Variants in APBB2 observed in about 807,000 individuals in gnomAD.
APBB2 encodes amyloid beta precursor protein binding family B member 2.
Under a neutral mutation model 82.5 loss-of-function variants are expected in APBB2, and 38 were observed. That is an observed-to-expected ratio of 0.46 (90% CI 0.36 to 0.60). The LOEUF (loss-of-function observed/expected upper bound fraction) is 0.60. Among genes scored for constraint, APBB2 ranks in the 20% least tolerant of loss-of-function variants. APBB2 has a pLI of 0.00. For missense variants in APBB2, 772 were observed against 972.3 expected (o/e 0.79, Z 2.74); for synonymous variants, 341 against 368.2 (o/e 0.93, Z 0.85).
intron 12 of APBB2, among the ~76,000 whole-genome samples, chr4:40,833,590 G>A (rs1352516700): frequency 6.6e-6 from 1 of 152,194 alleles, no homozygotes. Flanking sequence ...TGTTACAGGT[G>A]TCACCTGTGT....
chr4:40,945,180 A>G, intron 6 of APBB2, 107 bp from the exon 7 acceptor site: 1 of 774,090 alleles, frequency 1.3e-6, no homozygotes, highest in East Asian at 2.7e-5. Context: ...CCATAGTCCA[A>G]ATGATTAGTT....
chr4:41,164,476 T>C (rs1212727212), intron 1 of APBB2, among the ~76,000 whole-genome samples: 2 of 152,202 alleles, frequency 1.3e-5, no homozygotes, highest in Non-Finnish European at 2.9e-5. Context: ...AGGCGGCTCC[T>C]TTGATTCAGA....
At chr4:40,822,253 T>C in intron 16 of APBB2, 1 of 589,906 alleles carries the variant, frequency 1.7e-6, no homozygotes, top group South Asian at 2.0e-5. Flanking sequence ...TCATTCTTGC[T>C]CTGAACTACA....
intron 17 of APBB2, among the ~76,000 whole-genome samples, chr4:40,816,823 T>C (rs1305069590): frequency 6.6e-6 from 1 of 152,250 alleles, no homozygotes; most frequent in Non-Finnish European, 1.5e-5. Context: ...GAAATAGGCC[T>C]AGCAACACAG....
intron 1 of APBB2, among the ~76,000 whole-genome samples, chr4:41,153,332 G>A (rs1436873816): frequency 6.6e-6 from 1 of 152,166 alleles, no homozygotes; most frequent in East Asian, 1.9e-4. Context: ...GTGTTATTCA[G>A]TCTACCGTAC....
chr4:41,188,987 T>C (rs965200705), intron 1 of APBB2, among the ~76,000 whole-genome samples: 1 of 152,110 alleles, frequency 6.6e-6, no homozygotes, highest in Non-Finnish European at 1.5e-5. Flanking sequence ...TTTGGAAGAC[T>C]TTATTAAACA....
At chr4:40,874,740 T>C (rs1342935513) in intron 12 of APBB2, among the ~76,000 whole-genome samples, 2 of 152,044 alleles carry the variant, frequency 1.3e-5, no homozygotes. Context: ...CAGCTGAGGG[T>C]GTGTTTTAGG....
Position 40,960,444 on chromosome 4 carries a change from CG to C in APBB2, c.836-15372del, listed in dbSNP as rs748368204. On this transcript the variant is annotated intron_variant, in intron 6 of 17. Coordinates refer to ENST00000508593, the MANE Select transcript of APBB2 (RefSeq NM_004307.2). ...TTCATCAAAAACAGAAATTTTTTTTCGGGTTTTTTTTTTTTTTTTTTGAGAC... is the reference window on the plus strand; with the variant it reads ...TTCATCAAAAACAGAAATTTTTTTTCGGTTTTTTTTTTTTTTTTTTGAGAC... 3.3e-3 allele frequency among the ~76,000 whole-genome samples: 328 copies of C among 98,106 alleles called. 27 individuals are homozygous for C. Among genetic ancestry groups the C allele is most frequent in the African/African-American group, 6.6e-3 (216 of 32,848 alleles). The allele number at this position is 98,106 out of a possible 152,430, so 64.4% of individuals were successfully genotyped here.
At chr4:40,936,617 C>A (rs1388557857) in intron 7 of APBB2, among the ~76,000 whole-genome samples, 1 of 152,206 alleles carries the variant, frequency 6.6e-6, no homozygotes, top group East Asian at 1.9e-4. Context: ...CAAATTTAGA[C>A]CCATTATTAC....
chr4:41,212,781 A>G (rs1010123069), intron 1 of APBB2, among the ~76,000 whole-genome samples: 1 of 151,888 alleles, frequency 6.6e-6, no homozygotes, highest in Non-Finnish European at 1.5e-5. Flanking sequence ...AACCCACTGT[A>G]CTCTACTGCC....
intron 12 of APBB2, among the ~76,000 whole-genome samples, chr4:40,835,296 C>A (rs1753520213): frequency 6.7e-6 from 1 of 148,182 alleles, no homozygotes; most frequent in South Asian, 2.2e-4. Context: ...AAAAAAAATT[C>A]AATTCACTTC....
At chr4:40,891,344 C>T (rs1013640298) in intron 11 of APBB2, among the ~76,000 whole-genome samples, 4 of 152,126 alleles carry the variant, frequency 2.6e-5, no homozygotes, top group Admixed American at 1.3e-4. Context: ...GCAATCTCCC[C>T]GGCATAATTT....
chr4:40,962,136 T>C lies in APBB2; in HGVS notation c.836-17063A>G, dbSNP rs143559371. On this transcript the variant is annotated intron_variant, in intron 6 of 17. Coordinates refer to ENST00000508593, the MANE Select transcript of APBB2 (RefSeq NM_004307.2). ...CTTTCCCAGCAATGAAAAAGTGATA[T>C]GCAGAGCTCTGAGTTTTTCAAAGAT... Among the ~76,000 whole-genome samples the C allele has an allele frequency of 4.5e-3, 680 of 152,290 alleles. 1 individual carries two copies. Among genetic ancestry groups the C allele is most frequent in the African/African-American group, 0.015 (628 of 41,548 alleles).
intron 17 of APBB2, among the ~76,000 whole-genome samples, chr4:40,820,546 T>C (rs1019163434): frequency 4.6e-5 from 7 of 151,976 alleles, no homozygotes; most frequent in African/African-American, 1.7e-4. Flanking sequence ...GTGCCTGTAA[T>C]CCCAGCTATT....
At chr4:40,842,295 T>C in intron 12 of APBB2, 1 of 427,218 alleles carries the variant, frequency 2.3e-6, no homozygotes, top group South Asian at 1.6e-5. Flanking sequence ...CAATGCGACA[T>C]GAAGAAAGCA....
At chr4:41,024,165 C>T (rs1483850313) in intron 5 of APBB2, among the ~76,000 whole-genome samples, 1 of 152,126 alleles carries the variant, frequency 6.6e-6, no homozygotes, top group Non-Finnish European at 1.5e-5. Context: ...TTCCTTATAC[C>T]GTATACAAAA....
rs747549102 is a variant in APBB2, at chr4:41,013,931, T to G, written c.487A>C (p.Asn163His). ...GAGGTTTCCAGATCTGCATAGTAATTTAGGAAGCTCTTAGTTCTCCTGGGC... is the reference window on the plus strand; with the variant it reads ...GAGGTTTCCAGATCTGCATAGTAATGTAGGAAGCTCTTAGTTCTCCTGGGC... ...SQPRRTKSFL[N>H]YYADLETSAR... The change falls in exon 6 of 18, where the codon AAT becomes CAT. Residue 163 changes from asparagine to histidine, a missense_variant. Physicochemically the swap from Asn to His is moderately conservative, Grantham distance 68. Transcript: ENST00000508593. The G allele has an allele frequency of 1.2e-6, 2 of 1,614,184 alleles. No individual in the cohort carries two copies. The highest frequency in any genetic ancestry group is 8.5e-7 in the Non-Finnish European group (1 of 1,180,028).
intron 5 of APBB2, among the ~76,000 whole-genome samples, chr4:41,028,794 C>T (rs896954869): frequency 2.0e-5 from 3 of 152,218 alleles, no homozygotes; most frequent in East Asian, 1.9e-4. Context: ...CAGCTTCTCT[C>T]GATCCCAGCC....
intron 6 of APBB2, among the ~76,000 whole-genome samples, chr4:40,971,843 A>C (rs1022702466): frequency 6.6e-6 from 1 of 152,218 alleles, no homozygotes; most frequent in African/African-American, 2.4e-5. Context: ...CTTGATCTAC[A>C]TTCAAACCAT....
Sources: allele counts gnomAD v4.1 joint callset (sites outside exome capture counted in the v4.1 genomes callset), GRCh38; gene constraint gnomAD v4.1.1; transcripts MANE v1.5; gene names NCBI Gene and HGNC (gene_info 2026-07-23, HGNC 2026-07-21).